The following CADM2 variants were observed in gnomAD, a reference collection of about 807,000 sequenced individuals.
CADM2 encodes the protein cell adhesion molecule 2.
Under a neutral mutation model 49.8 loss-of-function variants are expected in CADM2, and 12 were observed. The observed-to-expected ratio is 0.24, with a 90% CI of 0.15 to 0.39. The LOEUF (loss-of-function observed/expected upper bound fraction) is 0.39, where lower values mean the gene tolerates loss of function less well. Ranked by LOEUF, CADM2 falls within the 10% of genes least tolerant of loss-of-function variation. The pLI is 1.00. For missense variants in CADM2, 378 were observed against 492.3 expected (o/e 0.77, Z 2.20); for synonymous variants, 214 against 175.4 (o/e 1.22, Z -1.74).
chr3:85,576,955 AT>A (rs2062649029), intron 1 of CADM2, among the ~76,000 whole-genome samples: 1 of 152,158 alleles, frequency 6.6e-6, no homozygotes, highest in South Asian at 2.1e-4. Context: ...TAGAACACAA[AT>A]GGGGACAAGA....
chr3:85,536,324 A>G (rs957812125), intron 1 of CADM2, among the ~76,000 whole-genome samples: 2 of 152,010 alleles, frequency 1.3e-5, no homozygotes, highest in Admixed American at 6.6e-5. Context: ...TAGACCAATA[A>G]CAAAGAAAGT....
intron 2 of CADM2, among the ~76,000 whole-genome samples, chr3:85,779,315 A>G (rs1223656424): frequency 6.6e-6 from 1 of 152,162 alleles, no homozygotes; most frequent in African/African-American, 2.4e-5. Flanking sequence ...CCATGCCTAA[A>G]GCCTCTGCAG....
intron 1 of CADM2, among the ~76,000 whole-genome samples, chr3:85,352,780 C>T (rs573771196): frequency 1.3e-3 from 192 of 152,186 alleles, no homozygotes; most frequent in African/African-American, 4.4e-3. Context: ...CATGTCAAAT[C>T]CAACCTAGCT....
intron 6 of CADM2, among the ~76,000 whole-genome samples, chr3:85,919,185 C>A (rs1212308096): frequency 1.3e-5 from 2 of 152,002 alleles, no homozygotes; most frequent in South Asian, 4.1e-4. Context: ...TAATTCATCT[C>A]ATCATGAAAT....
At chr3:85,943,771 C>G (rs1207148995) in intron 7 of CADM2, among the ~76,000 whole-genome samples, 1 of 151,732 alleles carries the variant, frequency 6.6e-6, no homozygotes, top group Non-Finnish European at 1.5e-5. Context: ...TGATCTTTGA[C>G]AAACCTGAGA....
At chr3:85,947,030 T>A (rs1722803480) in intron 7 of CADM2, among the ~76,000 whole-genome samples, 1 of 151,766 alleles carries the variant, frequency 6.6e-6, no homozygotes, top group Non-Finnish European at 1.5e-5. Context: ...TGGGAGAAAA[T>A]TTTTGCAATC....
intron 8 of CADM2, among the ~76,000 whole-genome samples, chr3:86,039,261 G>A (rs1312459891): frequency 1.3e-5 from 2 of 152,070 alleles, no homozygotes; most frequent in African/African-American, 4.8e-5. Flanking sequence ...AGCCAAAGCA[G>A]GGTGAGGCAT....
chr3:85,869,317 AC>A (rs1297071691), intron 3 of CADM2, among the ~76,000 whole-genome samples: 2 of 152,004 alleles, frequency 1.3e-5, no homozygotes, highest in African/African-American at 4.8e-5. Context: ...ATGGAATAAA[AC>A]TTTTTTTTTT....
At chr3:85,741,126 A>T (rs958527203) in intron 2 of CADM2, among the ~76,000 whole-genome samples, 1 of 152,050 alleles carries the variant, frequency 6.6e-6, no homozygotes, top group Non-Finnish European at 1.5e-5. Flanking sequence ...AATTAATAGA[A>T]CTCCAGGCAA....
At chr3:85,643,984 T>A (rs1289389669) in intron 1 of CADM2, among the ~76,000 whole-genome samples, 1 of 152,038 alleles carries the variant, frequency 6.6e-6, no homozygotes, top group African/African-American at 2.4e-5. Context: ...AGTTTCAAGG[T>A]ATGCTAGTTC....
chr3:85,889,885 G>A (rs919497304), intron 5 of CADM2, among the ~76,000 whole-genome samples: 3 of 152,154 alleles, frequency 2.0e-5, no homozygotes, highest in Non-Finnish European at 4.4e-5. Flanking sequence ...ACTGGCTACA[G>A]TTTTGTGCAG....
chr3:85,700,516 A>G (rs2066721488), intron 1 of CADM2, among the ~76,000 whole-genome samples: 1 of 152,202 alleles, frequency 6.6e-6, no homozygotes, highest in African/African-American at 2.4e-5. Context: ...TTCTAGTTTT[A>G]CTTTATTTCT....
intron 1 of CADM2, among the ~76,000 whole-genome samples, chr3:84,961,342 G>T (rs908712453): frequency 6.6e-6 from 1 of 152,204 alleles, no homozygotes. Context: ...ACCTTGTAGA[G>T]ATCTTGTGTA....
intron 8 of CADM2, 29 bp downstream of exon 8, chr3:85,961,676 T>C (rs1724836697): frequency 1.4e-6 from 2 of 1,467,812 alleles, no homozygotes; most frequent in African/African-American, 1.4e-5. Flanking sequence ...ACATTATATG[T>C]GAAAGGATGC....
At chr3:85,654,261 A>T (rs191054439) in intron 1 of CADM2, among the ~76,000 whole-genome samples, 5 of 152,358 alleles carry the variant, frequency 3.3e-5, no homozygotes, top group Non-Finnish European at 7.3e-5. Flanking sequence ...CTGAATGGGT[A>T]TATCCAGCAG....
rs561212843 is a variant in CADM2 at position 85,886,418 on chromosome 3, A to G, written c.529+91A>G. On this transcript the variant is annotated intron_variant, in intron 5 of 9. Transcript: ENST00000383699. Reference sequence around the variant, plus strand: ...GGCATTTTACATTATTTTTCAAAACATAGTGTCTCTTACAGATTATGCATC... The same window carrying G: ...GGCATTTTACATTATTTTTCAAAACGTAGTGTCTCTTACAGATTATGCATC... 2.6e-5 allele frequency: 25 copies of G among 955,750 alleles called. No individual in the cohort carries two copies. In the African/African-American group the frequency reaches 3.3e-4, roughly 12 times the overall value. The allele number at this position is 955,750 out of a possible 1,614,324, so 59.2% of individuals were successfully genotyped here. A position where few individuals can be genotyped will look rare whatever the true frequency, so the allele number is the denominator to read the frequency against.
intron 1 of CADM2, among the ~76,000 whole-genome samples, chr3:85,652,707 A>G (rs1220353640): frequency 5.4e-5 from 8 of 146,850 alleles, no homozygotes; most frequent in Non-Finnish European, 1.5e-5. Context: ...TGGAAAGATT[A>G]TTTATGACAG....
At chr3:84,960,797 T>C (rs965227637) in intron 1 of CADM2, among the ~76,000 whole-genome samples, 3 of 152,076 alleles carry the variant, frequency 2.0e-5, no homozygotes, top group African/African-American at 7.2e-5. Context: ...ATGCTGATTA[T>C]GAAATAAATG....
intron 1 of CADM2, among the ~76,000 whole-genome samples, chr3:85,363,830 C>T (rs2032541084): frequency 6.6e-6 from 1 of 152,062 alleles, no homozygotes. Context: ...CCAGGATGGT[C>T]TCCATCTCCT....
Sources: allele counts gnomAD v4.1 joint callset (sites outside exome capture counted in the v4.1 genomes callset), GRCh38; gene constraint gnomAD v4.1.1; transcripts MANE v1.5; gene names NCBI Gene and HGNC (gene_info 2026-07-23, HGNC 2026-07-21).